The following NDUFA8 variants were observed in gnomAD, a reference collection of about 807,000 sequenced individuals.
The protein encoded by NDUFA8 is NADH:ubiquinone oxidoreductase subunit A8.
A neutral mutation model predicts 20.9 loss-of-function variants in NDUFA8; 16 were observed. The observed-to-expected ratio is 0.77, with a 90% confidence interval of 0.52 to 1.16. The LOEUF (loss-of-function observed/expected upper bound fraction) is 1.16, where lower values mean the gene tolerates loss of function less well. Ranked by LOEUF, NDUFA8 falls within the 50% of genes most tolerant of loss-of-function variation. The pLI, the probability that NDUFA8 is intolerant of heterozygous loss-of-function variation, is 0.00. For missense variants in NDUFA8, 202 were observed against 216.4 expected (o/e 0.93, Z 0.42); for synonymous variants, 70 against 76.1 (o/e 0.92, Z 0.41).
downstream of NDUFA8, among the ~76,000 whole-genome samples, chr9:122,143,110 G>A (rs1364086805): frequency 4.6e-5 from 7 of 152,080 alleles, no homozygotes; most frequent in African/African-American, 7.2e-5. Flanking sequence ...GTCCTAGCAC[G>A]TCAGGCAACA....
At chr9:122,140,327 T>C (rs1828800858), downstream of NDUFA8, among the ~76,000 whole-genome samples, 1 of 152,226 alleles carries the variant, frequency 6.6e-6, no homozygotes, top group Non-Finnish European at 1.5e-5. Context: ...TGAGACTTCC[T>C]AAATAGGAGA....
At chr9:122,134,593 T>C in the NDUFA8 span, among the ~76,000 whole-genome samples, 4 of 152,196 alleles carry the variant, frequency 2.6e-5, no homozygotes, top group African/African-American at 9.7e-5. Flanking sequence ...CCCCTGCCTC[T>C]GAGCCCATCC....
the NDUFA8 span, chr9:122,132,945 A>T: frequency 2.2e-6 from 1 of 455,972 alleles, no homozygotes; most frequent in South Asian, 1.5e-5. Flanking sequence ...CTATTTCTCC[A>T]TCTCTCTCCA....
At chr9:122,145,684 A>G (rs1588290996) in intron 3 of NDUFA8, among the ~76,000 whole-genome samples, 2 of 152,228 alleles carry the variant, frequency 1.3e-5, no homozygotes, top group South Asian at 4.1e-4. Flanking sequence ...CATGCCTAAG[A>G]TAAGATACAC....
intron 1 of NDUFA8, among the ~76,000 whole-genome samples, chr9:122,156,487 TA>T (rs1829077213): frequency 6.6e-6 from 1 of 152,218 alleles, no homozygotes; most frequent in East Asian, 1.9e-4. Flanking sequence ...TTAATATATA[TA>T]AAAATAATAA....
the NDUFA8 span, chr9:122,133,049 A>C: frequency 2.2e-6 from 1 of 455,890 alleles, no homozygotes; most frequent in Admixed American, 2.3e-5. Flanking sequence ...TCTAATCCTC[A>C]CAACCACTCT....
chr9:122,151,636 T>G (rs1173581929), intron 2 of NDUFA8, among the ~76,000 whole-genome samples: 1 of 152,256 alleles, frequency 6.6e-6, no homozygotes, highest in African/African-American at 2.4e-5. Context: ...TGAAATTATT[T>G]AAGCCCTTGA....
rs1336370582 is a variant in NDUFA8 at position 122,152,550 on chromosome 9, T to C, written c.52-142A>G. 4.4e-6 allele frequency: 3 copies of C among 688,972 alleles called. No homozygotes were observed. In the South Asian group the frequency reaches 5.8e-5, roughly 13 times the overall value. The allele number at this position is 688,972 out of a possible 1,614,324, so 42.7% of individuals were successfully genotyped here. On this transcript the variant is annotated intron_variant, in intron 1 of 3. Coordinates refer to ENST00000373768, the MANE Select transcript of NDUFA8 (RefSeq NM_014222.3). ...CCAAGAAAATTAAACACTGTCATAA[T>C]AATAATTTTTTTTTTTTTTTTTGAG...
intron 1 of NDUFA8, among the ~76,000 whole-genome samples, chr9:122,157,536 G>T (rs182508599): frequency 1.3e-5 from 2 of 152,292 alleles, no homozygotes; most frequent in Admixed American, 1.3e-4. Flanking sequence ...ATTCAATTGT[G>T]TGAAGACTAA....
intron 3 of NDUFA8, among the ~76,000 whole-genome samples, chr9:122,146,545 T>C (rs1385586761): frequency 8.5e-5 from 13 of 152,154 alleles, no homozygotes; most frequent in Non-Finnish European, 1.5e-5. Flanking sequence ...ACAAAAAAAT[T>C]GCTAAGTTAT....
chr9:122,149,987 A>T (rs1828967791), intron 2 of NDUFA8, among the ~76,000 whole-genome samples: 1 of 152,138 alleles, frequency 6.6e-6, no homozygotes, highest in Non-Finnish European at 1.5e-5. Context: ...TTAAATAAAC[A>T]CACACACAGA....
downstream of NDUFA8, among the ~76,000 whole-genome samples, chr9:122,143,105 A>G (rs1473699892): frequency 6.6e-6 from 1 of 152,120 alleles, no homozygotes; most frequent in Non-Finnish European, 1.5e-5. Flanking sequence ...GAACTGTCCT[A>G]GCACGTCAGG....
At chr9:122,155,325 C>T (rs991511610) in intron 1 of NDUFA8, among the ~76,000 whole-genome samples, 4 of 152,186 alleles carry the variant, frequency 2.6e-5, no homozygotes, top group African/African-American at 7.2e-5. Flanking sequence ...ATGATCCTCC[C>T]GCCTCAGCCT....
At position 122,144,125 on chromosome 9, in the gene NDUFA8, T is replaced by G; in HGVS notation, c.*116A>C. 1.3e-6 allele frequency: 2 copies of G among 1,572,308 alleles called. No individual in the cohort carries two copies. The highest frequency in any genetic ancestry group is 1.7e-6 in the Non-Finnish European group (2 of 1,158,450). On this transcript the variant is annotated 3_prime_UTR_variant, in exon 4 of 4. Coordinates refer to ENST00000373768, the MANE Select transcript of NDUFA8 (RefSeq NM_014222.3). ...ACTGCCAAGTCACATAAGTTAACTT[T>G]TTTGTTAATGTTTGTGATCCCGGAA...
chr9:122,152,528 AG>A, intron 1 of NDUFA8, 120 bp from the exon 2 acceptor site: 1 of 934,944 alleles, frequency 1.1e-6, no homozygotes, highest in Non-Finnish European at 1.6e-6. Flanking sequence ...GACTTTACCA[AG>A]AAAATTAAAC....
rs1479769557 is a variant in NDUFA8 at position 122,148,122 on chromosome 9, T to A, written c.371A>T (p.Glu124Val). 1 of 1,613,930 alleles carries A rather than the reference T, an allele frequency of 6.2e-7. No homozygotes were observed. The highest frequency in any genetic ancestry group is 2.2e-5 in the East Asian group (1 of 44,894). The change falls in exon 3 of 4, where the codon GAA (glutamate) becomes GTA (valine). Residue 124 changes from glutamate to valine, a missense_variant. Transcript: ENST00000373768. ...KLGWVRPDLG[E>V]LSKVTKVKTD... ...CAGAAGCCTTTTTACCTTTGACAGTTCTCCCAGGTCAGGCCGCACCCAGCC... is the reference window on the plus strand; with the variant it reads ...CAGAAGCCTTTTTACCTTTGACAGTACTCCCAGGTCAGGCCGCACCCAGCC...
chr9:122,159,520 G>C, intron 1 of NDUFA8, 107 bp downstream of exon 1: 1 of 1,388,710 alleles, frequency 7.2e-7, no homozygotes. Context: ...GGAGGACTGG[G>C]GAGGGGGGCC....
intron 1 of NDUFA8, among the ~76,000 whole-genome samples, chr9:122,157,293 G>C (rs1829089642): frequency 6.6e-6 from 1 of 152,128 alleles, no homozygotes; most frequent in Non-Finnish European, 1.5e-5. Flanking sequence ...TGTCCAAAAA[G>C]TGCTTTCTCT....
intron 2 of NDUFA8, among the ~76,000 whole-genome samples, chr9:122,149,191 A>G (rs118067516): frequency 8.5e-4 from 130 of 152,326 alleles, no homozygotes; most frequent in Non-Finnish European, 1.6e-3. Context: ...CTTGTTTAAC[A>G]TGGATCAGGA....
Sources: gnomAD v4.1 joint callset for allele counts (sites outside exome capture counted in the v4.1 genomes callset) on GRCh38, gnomAD v4.1.1 for gene constraint, MANE v1.5 for transcripts, NCBI Gene and HGNC (gene_info 2026-07-23, HGNC 2026-07-21) for gene names.